CEP104: variants seen among roughly 807,000 people sequenced by gnomAD.
CEP104 encodes the protein centrosomal protein 104, also known as centrosomal protein of 104 kDa.
A neutral mutation model predicts 113.3 loss-of-function variants in CEP104; 84 were observed. The ratio of observed to expected loss-of-function variants is 0.74; its 90% CI spans 0.62 to 0.89. The LOEUF is 0.89. Ranked by LOEUF, CEP104 falls within the 40% of genes least tolerant of loss-of-function variation. CEP104 has a pLI of 0.00. For synonymous variants in CEP104, 378 were observed against 421.7 expected, an observed-to-expected ratio of 0.90 and a Z score of 1.27; for missense variants, 1,053 against 1,156.6, an observed-to-expected ratio of 0.91 and a Z score of 1.30.
In CEP104 at chr1:3,833,909, C is replaced by T; in HGVS notation, c.1612G>A (p.Gly538Arg). The T allele has an allele frequency of 6.2e-7, 1 of 1,614,218 alleles. No individual in the cohort carries two copies. The highest frequency in any genetic ancestry group is 8.5e-7 in the Non-Finnish European group (1 of 1,180,040). Residue 538 changes from glycine (G) to arginine (R), a missense_variant, in exon 12 of 22, where the codon GGA becomes AGA. Transcript: ENST00000378230. ...RTIPVLLTRT[G>R]DSSARLRVTA... The stretch of plus-strand genomic sequence containing the variant: ...ACGCGGAGGCGGGCAGAAGAATCTC[C>T]AGTTCTGGTGAGCAAAACGGGAATG...
Position 3,823,506 on chromosome 1 carries a change from G to A in CEP104, c.2421C>T (p.Asp807=), listed in dbSNP as rs189791331. 11 of 1,614,190 alleles carry A rather than the reference G, an allele frequency of 6.8e-6. No individual in the cohort carries two copies. The South Asian group carries it at 7.7e-5, about 11-fold the overall frequency. Residue 807 remains aspartate, a synonymous_variant, in exon 19 of 22, where the codon GAC becomes GAT. Coordinates refer to ENST00000378230, the MANE Select transcript of CEP104 (RefSeq NM_014704.4). The surrounding 1 kb of genome is among the most constrained non-coding windows in gnomAD (Gnocchi z 4.1). The stretch of plus-strand genomic sequence containing the variant: ...TGCAACGGTAACACTTTCCAAACCC[G>A]TCTTTTTTGTCACATTCCGTCAGCA... ...EHLLTECDKK[D]GFGKCYRCSE... is the part of the protein sequence containing the mutation.
chr1:3,844,542 CA>C (rs1231966970), intron 6 of CEP104, among the ~76,000 whole-genome samples: 2 of 151,424 alleles, frequency 1.3e-5, no homozygotes, highest in African/African-American at 4.9e-5. Context: ...GCTAAAAATA[CA>C]AAAAATTAGC....
chr1:3,815,429 G>A lies in CEP104; in HGVS notation c.2751C>T (p.Ser917=), dbSNP rs538187962. Residue 917 remains serine, a synonymous_variant, in exon 22 of 22, where the codon AGC becomes AGT. Transcript: ENST00000378230. ...IPTPKGGLSK[S]SSRTYAKR is the part of the protein sequence containing the mutation. Reference sequence around the variant, plus strand: ...AGCGCTTGGCGTACGTCCTGCTGGAGCTCTTGCTCAGTCCGCCCTTCGGGG... The same window carrying A: ...AGCGCTTGGCGTACGTCCTGCTGGAACTCTTGCTCAGTCCGCCCTTCGGGG... The A allele has an allele frequency of 7.4e-6, 12 of 1,612,932 alleles. No homozygotes were observed. Among genetic ancestry groups the A allele is most frequent in the African/African-American group, 1.3e-5 (1 of 74,950 alleles).
chr1:3,828,064 C>T (rs1644127291), intron 15 of CEP104, among the ~76,000 whole-genome samples: 1 of 151,994 alleles, frequency 6.6e-6, no homozygotes, highest in South Asian at 2.1e-4. Context: ...CATAGGAGAC[C>T]CCAGGATGGA....
chr1:3,855,182 T>A (rs1363705854), intron 1 of CEP104, among the ~76,000 whole-genome samples: 62 of 149,670 alleles, frequency 4.1e-4, no homozygotes, highest in African/African-American at 1.5e-3. Flanking sequence ...CGATTTTTTT[T>A]TTTTTTTTTT....
At chr1:3,839,244 A>G (rs1215253874) in intron 7 of CEP104, 125 bp from the exon 8 acceptor site, 7 of 837,572 alleles carry the variant, frequency 8.4e-6, no homozygotes, top group Non-Finnish European at 1.4e-5. Context: ...AGGGAAATGG[A>G]AGGAATGGGC....
rs746080218 is a variant in CEP104, at chr1:3,831,031, G to A, written c.1836+15C>T. ...TGCTGGGCCGCGTGGTGTGTCACAC[G>A]CGAGGTCTGCTTACCTTCATCACGT... is the stretch of plus-strand genomic sequence containing the variant. On this transcript the variant is annotated intron_variant, in intron 13 of 21. Coordinates refer to ENST00000378230, the MANE Select transcript of CEP104 (RefSeq NM_014704.4). The A allele has an allele frequency of 5.0e-6, 8 of 1,609,660 alleles. No individual in the cohort carries two copies. Among genetic ancestry groups the A allele is most frequent in the South Asian group, 1.1e-5 (1 of 90,928 alleles).
At chr1:3,832,881 A>G (rs561941919) in intron 12 of CEP104, among the ~76,000 whole-genome samples, 1 of 151,730 alleles carries the variant, frequency 6.6e-6, no homozygotes, top group East Asian at 1.9e-4. Context: ...GAGTCTCACT[A>G]TGTTGGCCAG....
chr1:3,845,148 T>C, intron 5 of CEP104, 141 bp downstream of exon 5: 2 of 814,622 alleles, frequency 2.5e-6, no homozygotes, highest in South Asian at 1.7e-5. Flanking sequence ...ATGCTACAGC[T>C]CCTAAAAATC....
At chr1:3,828,492 C>T (rs141035148) in intron 15 of CEP104, among the ~76,000 whole-genome samples, 43 of 152,272 alleles carry the variant, frequency 2.8e-4, no homozygotes, top group African/African-American at 9.9e-4. Context: ...TTTCCCCATT[C>T]GTACCCATTT....
At chr1:3,824,549 C>A (rs1180214709) in intron 18 of CEP104, among the ~76,000 whole-genome samples, 1 of 152,226 alleles carries the variant, frequency 6.6e-6, no homozygotes, top group Non-Finnish European at 1.5e-5. Context: ...GCGAAGACTG[C>A]ATGCTGTGGA....
chr1:3,838,252 A>T (rs1644351771), intron 8 of CEP104, among the ~76,000 whole-genome samples: 1 of 152,096 alleles, frequency 6.6e-6, no homozygotes, highest in Non-Finnish European at 1.5e-5. Flanking sequence ...TTCTGGGCCC[A>T]AGTGATCCTC....
chr1:3,849,191 T>C (rs4648347), intron 2 of CEP104, among the ~76,000 whole-genome samples: 80,930 of 151,628 alleles, frequency 0.53, 24,406 homozygotes, highest in Non-Finnish European at 0.68. Flanking sequence ...TGCCTGCCTT[T>C]CACGCATAGT....
At chr1:3,829,426 A>C in intron 14 of CEP104, 53 bp from the exon 15 acceptor site, 1 of 1,304,254 alleles carries the variant, frequency 7.7e-7, no homozygotes, top group Non-Finnish European at 1.1e-6. Context: ...TAATCTTAGA[A>C]ACTGGGAGAC....
chr1:3,849,482 C>T (rs966409806), intron 2 of CEP104, among the ~76,000 whole-genome samples: 4 of 152,150 alleles, frequency 2.6e-5, no homozygotes, highest in South Asian at 4.1e-4. Context: ...CCTCCCCCTT[C>T]GGCCTCCCAA....
At chr1:3,836,105 T>A (rs990299494) in intron 10 of CEP104, among the ~76,000 whole-genome samples, 1 of 151,664 alleles carries the variant, frequency 6.6e-6, no homozygotes, top group South Asian at 2.1e-4. Flanking sequence ...ATCGAGACCA[T>A]CCTGGCTAAC....
At chr1:3,826,510 G>A (rs1409226075) in intron 16 of CEP104, 74 bp from the exon 17 acceptor site, 6 of 1,418,352 alleles carry the variant, frequency 4.2e-6, no homozygotes, top group Non-Finnish European at 5.9e-6. Context: ...AGTTTGATGT[G>A]AGCTCTAAAA....
chr1:3,829,781 G>C lies in CEP104; in HGVS notation c.2043+10C>G. 6.2e-7 allele frequency: 1 copy of C among 1,612,874 alleles called. No homozygotes were observed. ...AGGATGACATCACAACTTCACCAAA[G>C]TTAACTCACCCTCATCTCAGCATCT... On this transcript the variant is annotated intron_variant, in intron 14 of 21. Transcript: ENST00000378230.
chr1:3,820,199 G>A (rs1454837983), intron 20 of CEP104, among the ~76,000 whole-genome samples: 1 of 152,156 alleles, frequency 6.6e-6, no homozygotes, highest in Non-Finnish European at 1.5e-5. Flanking sequence ...ATTCAAATCA[G>A]ATGTTGGGAA....
Sources: gnomAD v4.1 joint callset for allele counts (sites outside exome capture counted in the v4.1 genomes callset) on GRCh38, gnomAD v4.1.1 for gene constraint, Gnocchi (gnomAD v3.1) non-coding constraint, MANE v1.5 for transcripts, NCBI Gene and HGNC (gene_info 2026-07-23, HGNC 2026-07-21) for gene names.